Variants in PPP2R1B observed in about 807,000 individuals in gnomAD.
PPP2R1B encodes the protein protein phosphatase 2 scaffold subunit Abeta.
A neutral mutation model predicts 72.7 loss-of-function variants in PPP2R1B; 58 were observed. That is an observed-to-expected ratio of 0.80 (90% CI 0.65 to 0.99). The LOEUF (loss-of-function observed/expected upper bound fraction) is 0.99, where lower values mean the gene tolerates loss of function less well. Among genes scored for constraint, PPP2R1B ranks in the 50% least tolerant of loss-of-function variants. The probability of loss-of-function intolerance (pLI) is 0.00; values close to 1 mark genes in which losing one functional copy is unlikely to be tolerated. For missense variants in PPP2R1B, 695 were observed against 733.6 expected (o/e 0.95, Z 0.61); for synonymous variants, 256 against 264.6 (o/e 0.97, Z 0.32).
chr11:111,742,163 A>C lies in PPP2R1B; in HGVS notation c.1698-19T>G. ...TAAAGCACTGACATTCAAAAGTATTATCTGTGAAAGACAGTCTAATGGGCC... is the reference window on the plus strand; with the variant it reads ...TAAAGCACTGACATTCAAAAGTATTCTCTGTGAAAGACAGTCTAATGGGCC... On this transcript the variant is annotated intron_variant, in intron 13 of 14. Coordinates refer to ENST00000527614, the MANE Select transcript of PPP2R1B (RefSeq NM_002716.5). 1 of 1,587,008 alleles carries C rather than the reference A, an allele frequency of 6.3e-7. No individual in the cohort carries two copies. The highest frequency in any genetic ancestry group is 8.7e-7 in the Non-Finnish European group (1 of 1,155,874).
intron 3 of PPP2R1B, 159 bp from the exon 4 acceptor site, chr11:111,761,210 A>T (rs1565478527): frequency 1.3e-6 from 1 of 752,446 alleles, no homozygotes; most frequent in Non-Finnish European, 2.3e-6. Context: ...CAGTGATAAC[A>T]TATGGTGCGG....
chr11:111,709,370 T>C, the PPP2R1B span, among the ~76,000 whole-genome samples: 1 of 152,226 alleles, frequency 6.6e-6, no homozygotes, highest in Non-Finnish European at 1.5e-5. Flanking sequence ...GGTGAGGGGC[T>C]CAACTTGTGA....
At chr11:111,727,116 G>C (rs190477202) in intron 15 of PPP2R1B, 2 of 1,472,038 alleles carry the variant, frequency 1.4e-6, no homozygotes, top group East Asian at 2.3e-5. Context: ...TCACATTCCC[G>C]GTGACACTGA....
chr11:111,720,093 C>T, the PPP2R1B span: 1 of 1,289,602 alleles, frequency 7.8e-7, no homozygotes, highest in African/African-American at 1.5e-5. Context: ...CAGCCAACAC[C>T]TAAAATTGAG....
At chr11:111,755,734 C>T (rs751140734) in intron 5 of PPP2R1B, among the ~76,000 whole-genome samples, 4 of 151,854 alleles carry the variant, frequency 2.6e-5, no homozygotes, top group African/African-American at 7.3e-5. Context: ...GGATTACAGG[C>T]AGGAGCCACC....
chr11:111,737,590 G>A (rs989119678), downstream of PPP2R1B: 42 of 1,614,038 alleles, frequency 2.6e-5, no homozygotes, highest in Non-Finnish European at 3.3e-5. Context: ...AGACAGTGGC[G>A]CTGTAACTGT....
chr11:111,749,911 A>G (rs1250262117), intron 10 of PPP2R1B, among the ~76,000 whole-genome samples: 1 of 152,202 alleles, frequency 6.6e-6, no homozygotes, highest in Non-Finnish European at 1.5e-5. Flanking sequence ...AAGAAATGGT[A>G]CTAAAATGCA....
intron 10 of PPP2R1B, among the ~76,000 whole-genome samples, chr11:111,750,843 G>GTTT (rs11410952): frequency 2.0e-4 from 29 of 145,638 alleles, no homozygotes; most frequent in African/African-American, 7.0e-4. Context: ...TTTTTGTTTT[G>GTTT]TTTTTTTTTT....
chr11:111,739,295 A>G lies in PPP2R1B; in HGVS notation c.*2301T>C. On this transcript the variant is annotated 3_prime_UTR_variant, in exon 15 of 15. Transcript: ENST00000527614. Reference sequence around the variant, plus strand: ...CAGCCTTACAGAGCTCCTAAAGCCTATATTCCAGTGAAATCAAGATAGGAG... The same window carrying G: ...CAGCCTTACAGAGCTCCTAAAGCCTGTATTCCAGTGAAATCAAGATAGGAG... The G allele has an allele frequency of 2.0e-6, 2 of 977,108 alleles. No individual in the cohort carries two copies. The highest frequency in any genetic ancestry group is 2.4e-6 in the Non-Finnish European group (2 of 822,442). 60.5% of individuals were successfully genotyped at this position (977,108 alleles called of 1,614,324 possible).
In PPP2R1B at chr11:111,754,967, T is replaced by C. The variant is rs782778757; in HGVS notation, c.958+13A>G. The C allele has an allele frequency of 3.2e-6, 5 of 1,565,964 alleles. No homozygotes were observed. In the South Asian group the frequency reaches 5.7e-5, roughly 18 times the overall value. On this transcript the variant is annotated intron_variant, in intron 7 of 14. Transcript: ENST00000527614. ...GAATGACACATGTTCCAACATAAAT[T>C]GAACTCCTTAACCTTTTACTTTGTG... is the stretch of plus-strand genomic sequence containing the variant.
downstream of PPP2R1B, chr11:111,725,270 C>T (rs1943930519): frequency 6.6e-6 from 1 of 152,608 alleles, no homozygotes; most frequent in Non-Finnish European, 1.5e-5. Context: ...AGTTTGTTTT[C>T]CACCATGTGG....
chr11:111,748,058 A>G, intron 10 of PPP2R1B, 44 bp from the exon 11 acceptor site: 1 of 1,561,960 alleles, frequency 6.4e-7, no homozygotes, highest in African/African-American at 1.4e-5. Context: ...GCCAAAATTC[A>G]GAAATAAAGA....
downstream of PPP2R1B, chr11:111,737,504 G>A (rs76360278): frequency 6.4e-4 from 1,041 of 1,614,202 alleles, 7 homozygotes; most frequent in African/African-American, 0.011. Flanking sequence ...TTGTCAGCCC[G>A]AGGGACACTG....
intron 3 of PPP2R1B, 184 bp from the exon 4 acceptor site, chr11:111,761,235 C>T (rs142267363): frequency 2.3e-5 from 16 of 696,626 alleles, no homozygotes; most frequent in East Asian, 1.1e-4. Flanking sequence ...CCCAAAGACA[C>T]GACTTCTGTA....
chr11:111,698,520 T>C, the PPP2R1B span, among the ~76,000 whole-genome samples: 1 of 152,096 alleles, frequency 6.6e-6, no homozygotes, highest in African/African-American at 2.4e-5. Context: ...AGCGGGTGGA[T>C]TGCGTCAGCC....
chr11:111,761,219 G>A (rs561589536), intron 3 of PPP2R1B, 168 bp from the exon 4 acceptor site: 84 of 728,102 alleles, frequency 1.2e-4, no homozygotes, highest in Non-Finnish European at 1.8e-4. Context: ...CATATGGTGC[G>A]GCCAACCCAA....
downstream of PPP2R1B, chr11:111,737,564 C>T (rs765991148): frequency 6.2e-7 from 1 of 1,614,202 alleles, no homozygotes; most frequent in East Asian, 2.2e-5. Flanking sequence ...AGCCTTTGTG[C>T]CACCACTAGA....
rs781933465 is a variant in PPP2R1B, at chr11:111,760,869, G to A, written c.489C>T (p.Phe163=). The A allele has an allele frequency of 4.3e-6, 7 of 1,614,170 alleles. No homozygotes were observed. Among genetic ancestry groups the A allele is most frequent in the Non-Finnish European group, 4.2e-6 (5 of 1,180,024 alleles). ...FTSRTSACGL[F]SVCYPRASNA... ...TTGATGCCCTGGGATAGCAAACGCT[G>A]AACAAACCACATGCAGATGTGCGAG... The change falls in exon 4 of 15, where the codon TTC becomes TTT. Residue 163 remains phenylalanine, a synonymous_variant. Coordinates refer to ENST00000527614, the MANE Select transcript of PPP2R1B (RefSeq NM_002716.5).
At chr11:111,734,672 T>C (rs1471336601), downstream of PPP2R1B, among the ~76,000 whole-genome samples, 7 of 152,240 alleles carry the variant, frequency 4.6e-5, no homozygotes, top group Non-Finnish European at 8.8e-5. Flanking sequence ...GCTTTGGTCT[T>C]TGTCATCAGT....
Sources: gnomAD v4.1 joint callset for allele counts (sites outside exome capture counted in the v4.1 genomes callset) on GRCh38, gnomAD v4.1.1 for gene constraint, MANE v1.5 for transcripts, NCBI Gene and HGNC (gene_info 2026-07-23, HGNC 2026-07-21) for gene names.